EIF2AK4: variants seen among roughly 807,000 people sequenced by gnomAD.
EIF2AK4 encodes the protein eukaryotic translation initiation factor 2 alpha kinase 4, also known as eIF-2-alpha kinase GCN2.
A neutral mutation model predicts 211.1 loss-of-function variants in EIF2AK4; 139 were observed. The observed-to-expected ratio is 0.66, with a 90% confidence interval of 0.57 to 0.76. The LOEUF is 0.76. EIF2AK4 is among the 30% of genes least tolerant of loss of function. The pLI is 0.00. For missense variants in EIF2AK4, 1,664 were observed against 2,043.8 expected (o/e 0.81, Z 3.58); for synonymous variants, 710 against 751.3 (o/e 0.94, Z 0.90).
chr15:40,012,392 A>C (rs1459274857), intron 27 of EIF2AK4, among the ~76,000 whole-genome samples: 1 of 152,148 alleles, frequency 6.6e-6, no homozygotes, highest in Non-Finnish European at 1.5e-5. Flanking sequence ...GGAGTTCTGA[A>C]AATTGAGCCA....
Position 39,967,781 on chromosome 15 carries a change from C to G in EIF2AK4, c.1455C>G (p.Gly485=), listed in dbSNP as rs1404828179. The G allele has an allele frequency of 1.9e-6, 3 of 1,614,104 alleles. No individual in the cohort carries two copies. The highest frequency in any genetic ancestry group is 2.5e-6 in the Non-Finnish European group (3 of 1,180,060). The change falls in exon 9 of 39, where the codon GGC becomes GGG. Residue 485 remains glycine, a synonymous_variant. Coordinates refer to ENST00000263791, the MANE Select transcript of EIF2AK4 (RefSeq NM_001013703.4). ...AGAAAGGAGATGTTTGGCGTCTTGGCCTTCTGCTGCTGTCCCTCAGCCAAG... is the reference window on the plus strand; with the variant it reads ...AGAAAGGAGATGTTTGGCGTCTTGGGCTTCTGCTGCTGTCCCTCAGCCAAG... The part of the protein sequence containing the change: ...TGKKGDVWRL[G]LLLLSLSQGQ...
intron 13 of EIF2AK4, among the ~76,000 whole-genome samples, chr15:39,978,761 TG>T (rs1270749890): frequency 5.9e-5 from 9 of 152,222 alleles, no homozygotes; most frequent in Non-Finnish European, 8.8e-5. Context: ...GAGATTGTGC[TG>T]TTTTTTTAGT....
rs2035233276 is a variant in EIF2AK4, at chr15:40,011,366, A to ATTAT, written c.3759+22_3759+25dup. 5 of 1,586,326 alleles carry ATTAT rather than the reference A, an allele frequency of 3.2e-6. No individual in the cohort carries two copies. Among genetic ancestry groups the ATTAT allele is most frequent in the Non-Finnish European group, 3.5e-6 (4 of 1,158,312 alleles). On this transcript the variant is annotated intron_variant, in intron 27 of 38. Coordinates refer to ENST00000263791, the MANE Select transcript of EIF2AK4 (RefSeq NM_001013703.4). The stretch of plus-strand genomic sequence containing the variant: ...AATAGTGTAAGTACCTTCTAATGGT[A>ATTAT]TTATTACAGCTTTCTCTGTAATTTT...
chr15:39,990,477 G>T (rs2034928551), intron 16 of EIF2AK4, 100 bp downstream of exon 16: 2 of 1,003,122 alleles, frequency 2.0e-6, no homozygotes, highest in Non-Finnish European at 3.1e-6. Context: ...ACAGAACTAT[G>T]CCGTCTAATC....
chr15:40,001,035 C>T lies in EIF2AK4; in HGVS notation c.2970C>T (p.Pro990=), dbSNP rs1458912810. The change falls in exon 21 of 39, where the codon CCC becomes CCT. Residue 990 remains proline (P), a synonymous_variant. Coordinates refer to ENST00000263791, the MANE Select transcript of EIF2AK4 (RefSeq NM_001013703.4). ...TGAACCACGATCCAGCAAAACGGCC[C>T]ACAGCCACAGAACTGCTCAAGAGTG... ...WLLNHDPAKR[P]TATELLKSEL... The T allele has an allele frequency of 1.2e-6, 2 of 1,614,068 alleles. No individual in the cohort carries two copies. The highest frequency in any genetic ancestry group is 1.7e-6 in the Non-Finnish European group (2 of 1,180,042).
At chr15:39,939,384 T>C (rs2034112048) in intron 1 of EIF2AK4, 121 bp from the exon 2 acceptor site, 1 of 565,656 alleles carries the variant, frequency 1.8e-6, no homozygotes, top group Non-Finnish European at 2.9e-6. Flanking sequence ...GATTATCTAT[T>C]TAAAATATAA....
In EIF2AK4 at chr15:39,976,414, G is replaced by A; in HGVS notation, c.1819G>A (p.Val607Met). ...TGACCTTCCCCTGGCTGTGCCGCAG[G>A]TGCAGAACAAGTTGGACGGCTGCTG... ...GKGAFGAVIK[V>M]QNKLDGCCYA... Residue 607 changes from valine (V) to methionine (M), a missense_variant and splice_region_variant, in exon 12 of 39, where the codon GTG (valine) becomes ATG (methionine). Coordinates refer to ENST00000263791, the MANE Select transcript of EIF2AK4 (RefSeq NM_001013703.4). 6.3e-7 allele frequency: 1 copy of A among 1,594,748 alleles called. No individual in the cohort carries two copies. Among genetic ancestry groups the A allele is most frequent in the Non-Finnish European group, 8.5e-7 (1 of 1,170,360 alleles).
At chr15:40,000,278 T>C (rs2140933619) in intron 20 of EIF2AK4, among the ~76,000 whole-genome samples, 1 of 152,168 alleles carries the variant, frequency 6.6e-6, no homozygotes, top group East Asian at 1.9e-4. Context: ...AGGAGAGTGG[T>C]AGGGGGGCAT....
intron 2 of EIF2AK4, 96 bp from the exon 3 acceptor site, chr15:39,943,287 G>A: frequency 2.2e-6 from 2 of 927,664 alleles, no homozygotes; most frequent in Non-Finnish European, 3.1e-6. Context: ...TAAGGGCCTT[G>A]GGCCCAGAGT....
rs1352876425 is a variant in EIF2AK4, at chr15:39,985,894, G to A, written c.2403+6G>A. 3 of 1,613,576 alleles carry A rather than the reference G, an allele frequency of 1.9e-6. No individual in the cohort carries two copies. Among genetic ancestry groups the A allele is most frequent in the Non-Finnish European group, 2.5e-6 (3 of 1,179,744 alleles). ...TGCACTACCTATACATCCAGGTGAG[G>A]TCGTGGTGTGTAGTTAGGTGACACA... is the stretch of plus-strand genomic sequence containing the variant. On this transcript the variant is annotated splice_donor_region_variant and intron_variant, in intron 14 of 38. Coordinates refer to ENST00000263791, the MANE Select transcript of EIF2AK4 (RefSeq NM_001013703.4).
rs1397926838 is a variant in EIF2AK4, at chr15:39,946,803, C to CA, written c.361-2309dup. 5 of 604,890 alleles carry CA rather than the reference C, an allele frequency of 8.3e-6. No individual in the cohort carries two copies. The East Asian group carries it at 1.4e-4, about 17-fold the overall frequency. The allele number at this position is 604,890 out of a possible 1,614,324, so 37.5% of individuals were successfully genotyped here. A position where few individuals can be genotyped will look rare whatever the true frequency, so the allele number is the denominator to read the frequency against. Reference sequence around the variant, plus strand: ...GATCAGTCAGCAGCCATCATCAAGACAAAACCCTCTGTCTGCAAAAAGATT... The same window carrying CA: ...GATCAGTCAGCAGCCATCATCAAGACAAAAACCCTCTGTCTGCAAAAAGATT... On this transcript the variant is annotated intron_variant, in intron 3 of 38. Transcript: ENST00000263791.
At chr15:39,970,134 C>T (rs1213059712) in intron 9 of EIF2AK4, among the ~76,000 whole-genome samples, 1 of 152,236 alleles carries the variant, frequency 6.6e-6, no homozygotes, top group Admixed American at 6.5e-5. Context: ...TCACCATCCT[C>T]AGTAGTGAGA....
In EIF2AK4 at chr15:40,000,812, C is replaced by T. The variant is rs1451063852; in HGVS notation, c.2923-176C>T. 2.0e-5 allele frequency among the ~76,000 whole-genome samples: 3 copies of T among 147,504 alleles called. No homozygotes were observed. In the East Asian group the frequency reaches 6.0e-4, roughly 29 times the overall value. ...GTTCATACTACATTGTTGCACAACT[C>T]TGTGGTCATAATAAAGCAGAAAAAA... On this transcript the variant is annotated intron_variant, in intron 20 of 38. Transcript: ENST00000263791.
chr15:39,987,899 A>G lies in EIF2AK4; in HGVS notation c.2404-84A>G, dbSNP rs1448166395. The G allele has an allele frequency of 4.0e-6, 6 of 1,494,784 alleles. No homozygotes were observed. The African/African-American group carries it at 8.3e-5, about 21-fold the overall frequency. 92.6% of individuals were successfully genotyped at this position (1,494,784 alleles called of 1,614,324 possible). On this transcript the variant is annotated intron_variant, in intron 14 of 38. Coordinates refer to ENST00000263791, the MANE Select transcript of EIF2AK4 (RefSeq NM_001013703.4). ...TTAAAACCCATGGTACACGTTTTAA[A>G]ATGGAGGATTATGTAAATTGCAGTT...
chr15:40,032,560 G>A (rs899467009), intron 36 of EIF2AK4, among the ~76,000 whole-genome samples, 197 bp from the exon 37 acceptor site: 2 of 152,174 alleles, frequency 1.3e-5, no homozygotes, highest in Non-Finnish European at 2.9e-5. Flanking sequence ...TAGAGGGACA[G>A]GGAGTACAGT....
intron 1 of EIF2AK4, among the ~76,000 whole-genome samples, chr15:39,937,839 T>G (rs1391932883): frequency 6.6e-6 from 1 of 152,238 alleles, no homozygotes; most frequent in Non-Finnish European, 1.5e-5. Context: ...TTTCAGTGTC[T>G]TCCACTCATT....
chr15:39,962,240 C>G (rs867591580), intron 7 of EIF2AK4, among the ~76,000 whole-genome samples: 4 of 152,108 alleles, frequency 2.6e-5, no homozygotes, highest in Admixed American at 6.6e-5. Context: ...GTGTGAGTGA[C>G]AGAATGAGAC....
At chr15:40,026,208 A>G in intron 33 of EIF2AK4, 119 bp downstream of exon 33, 2 of 880,082 alleles carry the variant, frequency 2.3e-6, no homozygotes, top group Non-Finnish European at 3.4e-6. Context: ...TAATCCCAGC[A>G]CTTTGGGAGG....
At position 40,017,209 on chromosome 15, in the gene EIF2AK4, A is replaced by C. The variant is rs749628586; in HGVS notation, c.4032A>C (p.Glu1344Asp). 8 of 1,613,690 alleles carry C rather than the reference A, an allele frequency of 5.0e-6. No homozygotes were observed. The highest frequency in any genetic ancestry group is 1.6e-4 in the Middle Eastern group (1 of 6,062). Residue 1344 changes from glutamate (E) to aspartate (D), a missense_variant, in exon 29 of 39, where the codon GAA becomes GAC. Around this residue, in one of 7 missense-constraint regions of EIF2AK4, gnomAD observed 622 missense variants for 796.8 expected, o/e 0.78. Transcript: ENST00000263791. ...AACGAAGGCAAAGGGCTGTACCTGA[A>C]ATCCTCGCAGCTGGAGGCAGATATG... Reference protein sequence around the residue: ...FIKRRQRAVPEILAAGGRYDL... With the variant: ...FIKRRQRAVPDILAAGGRYDL...
Sources: allele counts gnomAD v4.1 joint callset (sites outside exome capture counted in the v4.1 genomes callset), GRCh38; gene constraint gnomAD v4.1.1; regional missense constraint gnomAD v4.1.1; transcripts MANE v1.5; gene names NCBI Gene and HGNC (gene_info 2026-07-23, HGNC 2026-07-21).